Variants in FARP2 observed in about 807,000 individuals in gnomAD.
The protein encoded by FARP2 is FERM, ARH/RhoGEF and pleckstrin domain protein 2.
Under a neutral mutation model 130.5 loss-of-function variants are expected in FARP2, and 111 were observed. The ratio of observed to expected loss-of-function variants is 0.85; its 90% confidence interval spans 0.73 to 1.00. The LOEUF (loss-of-function observed/expected upper bound fraction) is 1.00. Among genes scored for constraint, FARP2 ranks in the 50% least tolerant of loss-of-function variants. The pLI is 0.00. For synonymous variants in FARP2, 504 were observed against 516.9 expected (o/e 0.98, Z 0.34); for missense variants, 1,385 against 1,346.3 (o/e 1.03, Z -0.45).
intron 2 of FARP2, among the ~76,000 whole-genome samples, chr2:241,394,590 A>G (rs1000653773): frequency 2.0e-5 from 3 of 152,132 alleles, no homozygotes; most frequent in African/African-American, 4.8e-5. Flanking sequence ...ACACTTTATG[A>G]CCTACTGTCC....
In FARP2 at chr2:241,494,124, GA is replaced by G; in HGVS notation, c.3165del (p.Ter1055CysfsTer50). 6.8e-7 allele frequency: 1 copy of G among 1,474,282 alleles called. No individual in the cohort carries two copies. 91.3% of individuals were successfully genotyped at this position (1,474,282 alleles called of 1,614,324 possible). A position where few individuals can be genotyped will look rare whatever the true frequency, so the allele number is the denominator to read the frequency against. ...LEGMVRGKEE[*>X] ...GGGATGGTCAGGGGGAAGGAGGAATGACGCTCAACCTGCCCAGGTTTGGACA... is the reference window on the plus strand; with the variant it reads ...GGGATGGTCAGGGGGAAGGAGGAATGCGCTCAACCTGCCCAGGTTTGGACA... On this transcript the variant is annotated frameshift_variant and stop_lost, in exon 27 of 27. Coordinates refer to ENST00000264042, the MANE Select transcript of FARP2 (RefSeq NM_014808.4). LOFTEE classifies it high-confidence loss of function. This position sits in a 1 kb window ranked among gnomAD's most constrained non-coding sequence, Gnocchi z 4.9.
At chr2:241,460,944 A>G (rs1187815411) in intron 14 of FARP2, among the ~76,000 whole-genome samples, 2 of 152,184 alleles carry the variant, frequency 1.3e-5, no homozygotes, top group East Asian at 3.9e-4. Flanking sequence ...GTAGGGTGCT[A>G]TCCCTTCACA....
intron 13 of FARP2, among the ~76,000 whole-genome samples, chr2:241,447,930 C>T (rs2063549324): frequency 6.6e-6 from 1 of 152,170 alleles, no homozygotes; most frequent in African/African-American, 2.4e-5. Flanking sequence ...GGTGCCTCCC[C>T]GGGGCTCTAA....
chr2:241,434,889 C>A, intron 10 of FARP2, 73 bp from the exon 11 acceptor site: 1 of 920,404 alleles, frequency 1.1e-6, no homozygotes, highest in Non-Finnish European at 1.7e-6. Flanking sequence ...TAAATCTTTT[C>A]TTTTGTCTTT....
intron 14 of FARP2, among the ~76,000 whole-genome samples, chr2:241,460,277 T>C (rs1410339866): frequency 6.6e-6 from 1 of 152,036 alleles, no homozygotes; most frequent in African/African-American, 2.4e-5. Flanking sequence ...CAAGCTCAGG[T>C]GGAGAAATGA....
At chr2:241,398,924 A>T (rs1176481486) in intron 2 of FARP2, among the ~76,000 whole-genome samples, 1 of 152,138 alleles carries the variant, frequency 6.6e-6, no homozygotes, top group African/African-American at 2.4e-5. Context: ...TGTTGGGTTT[A>T]TACCCCGGAC....
chr2:241,491,161 G>GT lies in FARP2; in HGVS notation c.2606dup (p.Cys870ValfsTer20). 1 of 1,612,490 alleles carries GT rather than the reference G, an allele frequency of 6.2e-7. No individual in the cohort carries two copies. Among genetic ancestry groups the GT allele is most frequent in the Non-Finnish European group, 8.5e-7 (1 of 1,179,208 alleles). ...GGCCCCTGCACTGCCAGGCCGCACT[G>GT]TGTGCACTCGTCCCCCCAGTGAGTG... On this transcript the variant is annotated frameshift_variant, in exon 23 of 27. Transcript: ENST00000264042. LOFTEE classifies it high-confidence loss of function.
At chr2:241,479,977 C>T (rs2064573900) in intron 19 of FARP2, among the ~76,000 whole-genome samples, 1 of 152,362 alleles carries the variant, frequency 6.6e-6, no homozygotes, top group South Asian at 2.1e-4. Flanking sequence ...AGTCGACCTT[C>T]CTGGGCTCCA....
At chr2:241,438,418 G>T (rs1353654932) in intron 12 of FARP2, among the ~76,000 whole-genome samples, 1 of 152,066 alleles carries the variant, frequency 6.6e-6, no homozygotes, top group Non-Finnish European at 1.5e-5. Flanking sequence ...TTAGCCAGGT[G>T]TGGTGGCACT....
chr2:241,442,259 C>T, intron 13 of FARP2: 1 of 456,726 alleles, frequency 2.2e-6, no homozygotes, highest in Non-Finnish European at 4.4e-6. Context: ...GTCAACTTCC[C>T]AGCCTACTCA....
chr2:241,437,670 A>ATTTTTT (rs763025047), intron 12 of FARP2, among the ~76,000 whole-genome samples: 8 of 133,122 alleles, frequency 6.0e-5, no homozygotes, highest in South Asian at 2.3e-4. Flanking sequence ...TTATTTATTT[A>ATTTTTT]TTTTTTTTTT....
intron 2 of FARP2, among the ~76,000 whole-genome samples, chr2:241,383,270 C>T (rs1198822597): frequency 6.6e-6 from 1 of 152,188 alleles, no homozygotes; most frequent in African/African-American, 2.4e-5. Flanking sequence ...AGGTATACTG[C>T]GAAGTGCTTA....
At chr2:241,438,545 A>G (rs1176881359) in intron 12 of FARP2, among the ~76,000 whole-genome samples, 2 of 152,268 alleles carry the variant, frequency 1.3e-5, no homozygotes, top group Admixed American at 1.3e-4. Flanking sequence ...CAACAGGGTA[A>G]GAATGTCTCA....
At chr2:241,477,619 G>A (rs941988827) in intron 19 of FARP2, among the ~76,000 whole-genome samples, 3 of 152,120 alleles carry the variant, frequency 2.0e-5, no homozygotes, top group Admixed American at 2.0e-4. Context: ...GGTTCATATG[G>A]TAATTCCATG....
At chr2:241,389,206 G>A (rs1412681373) in intron 2 of FARP2, among the ~76,000 whole-genome samples, 3 of 151,744 alleles carry the variant, frequency 2.0e-5, no homozygotes, top group South Asian at 4.2e-4. Context: ...GCTTGAACCC[G>A]GGAGGCAGAG....
At chr2:241,366,125 A>ATATATATATATACATATATATATATACG (rs56659405) in intron 1 of FARP2, among the ~76,000 whole-genome samples, 25 of 67,368 alleles carry the variant, frequency 3.7e-4, no homozygotes, top group East Asian at 1.0e-3. Flanking sequence ...ATATATACGT[A>ATATATATATATACATATATATATATACG]TATATATATA....
chr2:241,404,050 T>C (rs562023786), intron 3 of FARP2, 118 bp downstream of exon 3: 5 of 632,200 alleles, frequency 7.9e-6, no homozygotes, highest in African/African-American at 3.7e-5. Flanking sequence ...TAAAATATAT[T>C]CTTGTTAGCT....
At chr2:241,366,112 T>TATATATACAC (rs2150288104) in intron 1 of FARP2, among the ~76,000 whole-genome samples, 1 of 42,314 alleles carries the variant, frequency 2.4e-5, no homozygotes, top group African/African-American at 7.2e-5. Flanking sequence ...AAAATATATA[T>TATATATACAC]ATATATATAC....
intron 21 of FARP2, among the ~76,000 whole-genome samples, chr2:241,485,143 C>T (rs1263463060): frequency 2.0e-5 from 3 of 151,988 alleles, no homozygotes; most frequent in African/African-American, 4.8e-5. Flanking sequence ...GAGATCCTCC[C>T]TTCTTGTAAT....
Sources: allele counts gnomAD v4.1 joint callset (sites outside exome capture counted in the v4.1 genomes callset), GRCh38; gene constraint gnomAD v4.1.1; non-coding constraint Gnocchi (gnomAD v3.1); transcripts MANE v1.5; gene names NCBI Gene and HGNC (gene_info 2026-07-23, HGNC 2026-07-21).